Variants in CDH8 observed in about 807,000 individuals in gnomAD.
The protein encoded by CDH8 is cadherin-8.
CDH8 carries 17 observed loss-of-function variants against 68.1 expected under a neutral mutation model. That is an observed-to-expected ratio of 0.25 (90% CI 0.17 to 0.37). The LOEUF is 0.37. Ranked by LOEUF, CDH8 falls within the 10% of genes least tolerant of loss-of-function variation. The pLI is 1.00. For missense variants in CDH8, 763 were observed against 999.3 expected, an observed-to-expected ratio of 0.76 and a Z score of 3.19; for synonymous variants, 372 against 365.1, an observed-to-expected ratio of 1.02 and a Z score of -0.21.
At chr16:61,924,642 G>A (rs1179168936) in intron 2 of CDH8, among the ~76,000 whole-genome samples, 1 of 151,388 alleles carries the variant, frequency 6.6e-6, no homozygotes, top group African/African-American at 2.4e-5. Flanking sequence ...GGTGATTGAT[G>A]GAACAATATA....
At chr16:61,794,460 A>G (rs1308600901) in intron 7 of CDH8, among the ~76,000 whole-genome samples, 1 of 152,078 alleles carries the variant, frequency 6.6e-6, no homozygotes, top group Non-Finnish European at 1.5e-5. Context: ...TAAGGGTCTG[A>G]CACCAAAACA....
chr16:61,857,088 G>T, intron 4 of CDH8, 31 bp downstream of exon 4: 1 of 1,611,736 alleles, frequency 6.2e-7, no homozygotes, highest in Non-Finnish European at 8.5e-7. Flanking sequence ...CAAAAACATG[G>T]CAAATATAAT....
chr16:61,811,487 T>C (rs951521274), intron 7 of CDH8, among the ~76,000 whole-genome samples: 6 of 152,174 alleles, frequency 3.9e-5, no homozygotes, highest in South Asian at 2.1e-4. Context: ...GAAAATAGTA[T>C]GGAGGTTCCT....
In CDH8 at chr16:61,729,995, G is replaced by GCACACACA. The variant is rs35622399; in HGVS notation, c.1415-2788_1415-2781dup. 1.8e-3 allele frequency among the ~76,000 whole-genome samples: 263 copies of GCACACACA among 148,942 alleles called. 1 individual carries two copies. Among genetic ancestry groups the GCACACACA allele is most frequent in the Non-Finnish European group, 2.6e-3 (176 of 66,508 alleles). The stretch of plus-strand genomic sequence containing the variant: ...TTTAATATTACATGCACGTGTGCAT[G>GCACACACA]CACACACACACACACACTCATATCT... On this transcript the variant is annotated intron_variant, in intron 8 of 11. Coordinates refer to ENST00000577390, the MANE Select transcript of CDH8 (RefSeq NM_001796.5).
intron 10 of CDH8, among the ~76,000 whole-genome samples, chr16:61,681,386 C>T (rs1335309852): frequency 6.6e-6 from 1 of 151,806 alleles, no homozygotes; most frequent in Non-Finnish European, 1.5e-5. Flanking sequence ...CTTGAATGAG[C>T]CTCAAACTCA....
intron 8 of CDH8, among the ~76,000 whole-genome samples, chr16:61,734,217 T>C (rs2142909070): frequency 6.6e-6 from 1 of 152,082 alleles, no homozygotes. Context: ...CTTAACTAGG[T>C]TGGAGGGTTT....
At chr16:61,961,538 C>T (rs1965154747) in intron 2 of CDH8, among the ~76,000 whole-genome samples, 1 of 152,152 alleles carries the variant, frequency 6.6e-6, no homozygotes, top group Non-Finnish European at 1.5e-5. Context: ...CTTCTTGTCT[C>T]AGGGAAAGAG....
At chr16:61,998,742 A>T (rs537756632) in intron 2 of CDH8, among the ~76,000 whole-genome samples, 203 of 152,334 alleles carry the variant, frequency 1.3e-3, no homozygotes, top group African/African-American at 4.5e-3. Flanking sequence ...CTACTTGTCA[A>T]CTAGAAAAGA....
chr16:61,801,758 C>T (rs928772529), intron 7 of CDH8, among the ~76,000 whole-genome samples: 4 of 152,170 alleles, frequency 2.6e-5, no homozygotes, highest in African/African-American at 7.2e-5. Context: ...CTTTTCAGAC[C>T]GGCTTAAAAA....
chr16:61,691,007 G>A (rs777883613), intron 10 of CDH8, among the ~76,000 whole-genome samples: 1 of 151,894 alleles, frequency 6.6e-6, no homozygotes, highest in Non-Finnish European at 1.5e-5. Context: ...TAGTCTACTA[G>A]TACCAACCAA....
intron 2 of CDH8, among the ~76,000 whole-genome samples, chr16:61,921,111 G>T (rs1442720811): frequency 9.1e-6 from 1 of 110,132 alleles, no homozygotes; most frequent in East Asian, 3.3e-4. Context: ...TTGTGGGGTG[G>T]GGGGAGGGGG....
chr16:61,905,889 C>T (rs539991022), intron 2 of CDH8, among the ~76,000 whole-genome samples: 29 of 150,292 alleles, frequency 1.9e-4, no homozygotes, highest in Non-Finnish European at 3.8e-4. Context: ...AGCAAGACTC[C>T]GTCTTGAAAA....
chr16:61,980,404 T>G, intron 2 of CDH8, among the ~76,000 whole-genome samples: 1 of 152,156 alleles, frequency 6.6e-6, no homozygotes, highest in East Asian at 1.9e-4. Context: ...ACTTTAATTC[T>G]AATCACCTCA....
intron 4 of CDH8, among the ~76,000 whole-genome samples, chr16:61,845,103 C>T (rs990380090): frequency 6.6e-6 from 1 of 152,118 alleles, no homozygotes; most frequent in Non-Finnish European, 1.5e-5. Context: ...TCTCAATTAC[C>T]AAATATTTTT....
chr16:62,009,121 G>C (rs1382074006), intron 2 of CDH8, among the ~76,000 whole-genome samples: 1 of 151,684 alleles, frequency 6.6e-6, no homozygotes, highest in Admixed American at 6.6e-5. Flanking sequence ...AGTCTGACTT[G>C]CTTCTAAGAG....
At chr16:62,032,950 G>A (rs905812635) in intron 1 of CDH8, among the ~76,000 whole-genome samples, 1 of 152,146 alleles carries the variant, frequency 6.6e-6, no homozygotes, top group African/African-American at 2.4e-5. Flanking sequence ...ATATGTGCAT[G>A]TTCTTTTTCC....
chr16:61,970,535 A>C (rs1237364377), intron 2 of CDH8, among the ~76,000 whole-genome samples: 1 of 152,234 alleles, frequency 6.6e-6, no homozygotes. Flanking sequence ...AGCTGAAAAA[A>C]ATAAAAGAAA....
rs1482005021 is a variant in CDH8, at chr16:61,736,472, C to A, written c.1415-9257G>T. Among the ~76,000 whole-genome samples, 6 of 152,154 alleles carry A rather than the reference C, an allele frequency of 3.9e-5. No individual in the cohort carries two copies. In the East Asian group the frequency reaches 1.2e-3, roughly 29 times the overall value. On this transcript the variant is annotated intron_variant, in intron 8 of 11. Transcript: ENST00000577390. ...GAAATTATGTTTCATTTTGTTTAGC[C>A]CTAAGTAGATGAATGTTTATCCCAG...
Position 61,960,240 on chromosome 16 carries a change from T to TGTGTGTGTGTATACACATACATATATAC in CDH8, c.253-58795_253-58768dup, listed in dbSNP as rs1567546208. Among the ~76,000 whole-genome samples, 18 of 38,118 alleles carry TGTGTGTGTGTATACACATACATATATAC rather than the reference T, an allele frequency of 4.7e-4. 6 individuals are homozygous for TGTGTGTGTGTATACACATACATATATAC. The highest frequency in any genetic ancestry group is 8.4e-4 in the Non-Finnish European group (17 of 20,312). The allele number at this position is 38,118 out of a possible 152,430, so 25.0% of individuals were successfully genotyped here. A position where few individuals can be genotyped will look rare whatever the true frequency, so the allele number is the denominator to read the frequency against. On this transcript the variant is annotated intron_variant, in intron 2 of 11. Coordinates refer to ENST00000577390, the MANE Select transcript of CDH8 (RefSeq NM_001796.5). ...GTGTGTGTATACACACATATATACA[T>TGTGTGTGTGTATACACATACATATATAC]GTGTGTGTGTATACACATACATATA...
Sources: allele counts gnomAD v4.1 joint callset (sites outside exome capture counted in the v4.1 genomes callset), GRCh38; gene constraint gnomAD v4.1.1; transcripts MANE v1.5; gene names NCBI Gene and HGNC (gene_info 2026-07-23, HGNC 2026-07-21).